The following PLCB1 variants were observed in gnomAD, a reference collection of about 807,000 sequenced individuals.
The protein encoded by PLCB1 is 1-phosphatidylinositol 4,5-bisphosphate phosphodiesterase beta-1.
Under a neutral mutation model 161.8 loss-of-function variants are expected in PLCB1, and 46 were observed. The ratio of observed to expected loss-of-function variants is 0.28; its 90% CI spans 0.22 to 0.36. The LOEUF is 0.36. Among genes scored for constraint, PLCB1 ranks in the 10% least tolerant of loss-of-function variants. The pLI is 1.00. For missense variants in PLCB1, 1,016 were observed against 1,472.5 expected, an observed-to-expected ratio of 0.69 and a Z score of 5.07; for synonymous variants, 517 against 503.7, an observed-to-expected ratio of 1.03 and a Z score of -0.35.
intron 3 of PLCB1, among the ~76,000 whole-genome samples, chr20:8,539,693 T>TCTTTCTTCTTTTTCC: frequency 9.9e-6 from 1 of 101,166 alleles, no homozygotes; most frequent in South Asian, 3.9e-4. Flanking sequence ...TCTTTTTCTT[T>TCTTTCTTCTTTTTCC]TTCCTTCCTT....
intron 10 of PLCB1, among the ~76,000 whole-genome samples, chr20:8,693,521 T>C (rs1488544976): frequency 1.3e-5 from 2 of 152,180 alleles, no homozygotes; most frequent in Non-Finnish European, 2.9e-5. Context: ...ATGGCTGTCA[T>C]AGCATTGAAA....
At chr20:8,507,400 C>T (rs1257153383) in intron 3 of PLCB1, among the ~76,000 whole-genome samples, 1 of 152,082 alleles carries the variant, frequency 6.6e-6, no homozygotes, top group African/African-American at 2.4e-5. Context: ...TGTATGGTCA[C>T]GTTGGTCACC....
chr20:8,571,241 G>A (rs922645610), intron 3 of PLCB1, among the ~76,000 whole-genome samples: 1 of 152,156 alleles, frequency 6.6e-6, no homozygotes, highest in Admixed American at 6.5e-5. Context: ...CAGCACTTTG[G>A]GAGGCTGGGA....
At chr20:8,540,381 T>C (rs1985263470) in intron 3 of PLCB1, among the ~76,000 whole-genome samples, 1 of 152,150 alleles carries the variant, frequency 6.6e-6, no homozygotes. Flanking sequence ...CTACGCAGCT[T>C]GCAAAGGTTC....
At chr20:8,196,272 A>G (rs1427581942) in intron 2 of PLCB1, among the ~76,000 whole-genome samples, 1 of 152,114 alleles carries the variant, frequency 6.6e-6, no homozygotes, top group African/African-American at 2.4e-5. Context: ...CAGACAGAAA[A>G]TGATATTTTG....
At chr20:8,726,183 C>T (rs940277865) in intron 16 of PLCB1, among the ~76,000 whole-genome samples, 2 of 152,022 alleles carry the variant, frequency 1.3e-5, no homozygotes, top group Non-Finnish European at 1.5e-5. Context: ...GCTATATAAC[C>T]ACCCTGTGCT....
At chr20:8,784,262 T>C (rs977610756) in intron 27 of PLCB1, among the ~76,000 whole-genome samples, 1 of 151,900 alleles carries the variant, frequency 6.6e-6, no homozygotes, top group African/African-American at 2.4e-5. Context: ...GGAGTGAGGG[T>C]CTTCTGAAAA....
intron 2 of PLCB1, among the ~76,000 whole-genome samples, chr20:8,285,600 T>G (rs1983080535): frequency 6.6e-6 from 1 of 152,186 alleles, no homozygotes; most frequent in African/African-American, 2.4e-5. Context: ...ACTTTCTGTT[T>G]GGACTGGTCT....
intron 3 of PLCB1, among the ~76,000 whole-genome samples, chr20:8,555,475 C>G (rs1198777149): frequency 6.6e-6 from 1 of 152,100 alleles, no homozygotes; most frequent in Non-Finnish European, 1.5e-5. Context: ...CTGCACCTCA[C>G]TCAACATGGG....
intron 2 of PLCB1, among the ~76,000 whole-genome samples, chr20:8,238,608 A>G (rs185732687): frequency 1.3e-3 from 203 of 152,104 alleles, no homozygotes; most frequent in Non-Finnish European, 2.1e-3. Flanking sequence ...ACAAGACAAT[A>G]TGTACAAGGA....
At chr20:8,273,232 G>C (rs1982371224) in intron 2 of PLCB1, among the ~76,000 whole-genome samples, 1 of 152,062 alleles carries the variant, frequency 6.6e-6, no homozygotes, top group African/African-American at 2.4e-5. Flanking sequence ...ATATTTAAAG[G>C]CTTTCAGCCT....
At chr20:8,864,501 A>G (rs1301576241) in intron 31 of PLCB1, among the ~76,000 whole-genome samples, 1 of 152,206 alleles carries the variant, frequency 6.6e-6, no homozygotes, top group Non-Finnish European at 1.5e-5. Context: ...CACCTGTCAC[A>G]GTGCTAGGTT....
At chr20:8,461,377 C>G (rs1981570685) in intron 3 of PLCB1, among the ~76,000 whole-genome samples, 1 of 152,166 alleles carries the variant, frequency 6.6e-6, no homozygotes, top group Non-Finnish European at 1.5e-5. Flanking sequence ...GCCTCTACCA[C>G]TTACAGGATA....
At chr20:8,296,970 A>G (rs766987934) in intron 2 of PLCB1, among the ~76,000 whole-genome samples, 4 of 152,080 alleles carry the variant, frequency 2.6e-5, no homozygotes, top group African/African-American at 4.8e-5. Context: ...AGCCTTTTCT[A>G]TCTCAGTATA....
intron 3 of PLCB1, among the ~76,000 whole-genome samples, chr20:8,600,941 G>A (rs1016761959): frequency 9.9e-5 from 15 of 152,156 alleles, no homozygotes; most frequent in Non-Finnish European, 1.6e-4. Context: ...GTGAGGCAAT[G>A]CCTCGCCCTG....
intron 3 of PLCB1, among the ~76,000 whole-genome samples, chr20:8,541,904 T>A (rs546052300): frequency 1.3e-5 from 2 of 152,278 alleles, no homozygotes; most frequent in East Asian, 3.9e-4. Context: ...TTGGATCAGA[T>A]AAAGAGGAAC....
At chr20:8,365,796 C>T (rs1986692066) in intron 2 of PLCB1, among the ~76,000 whole-genome samples, 1 of 152,222 alleles carries the variant, frequency 6.6e-6, no homozygotes, top group Non-Finnish European at 1.5e-5. Context: ...CACACCCAGC[C>T]ATTAATATCT....
At chr20:8,493,206 C>T (rs1983021002) in intron 3 of PLCB1, among the ~76,000 whole-genome samples, 1 of 152,096 alleles carries the variant, frequency 6.6e-6, no homozygotes, top group South Asian at 2.1e-4. Flanking sequence ...TCCTATATGT[C>T]ATCTATCTTT....
chr20:8,229,278 T>A (rs1271473901), intron 2 of PLCB1, among the ~76,000 whole-genome samples: 1 of 152,090 alleles, frequency 6.6e-6, no homozygotes, highest in African/African-American at 2.4e-5. Context: ...AAAAAATATT[T>A]AAAACATTAT....
Sources: allele counts gnomAD v4.1 joint callset (sites outside exome capture counted in the v4.1 genomes callset), GRCh38; gene constraint gnomAD v4.1.1; transcripts MANE v1.5; gene names NCBI Gene and HGNC (gene_info 2026-07-23, HGNC 2026-07-21).